Variants in PDE1C observed in about 807,000 individuals in gnomAD.
PDE1C encodes the protein dual specificity calcium/calmodulin-dependent 3',5'-cyclic nucleotide phosphodiesterase 1C.
Under a neutral mutation model 93.1 loss-of-function variants are expected in PDE1C, and 62 were observed. The ratio of observed to expected loss-of-function variants is 0.67; its 90% CI spans 0.54 to 0.82. The LOEUF (loss-of-function observed/expected upper bound fraction) is 0.82, where lower values mean the gene tolerates loss of function less well. PDE1C is among the 40% of genes least tolerant of loss of function. The pLI is 0.00. For synonymous variants in PDE1C, 325 were observed against 310.1 expected (o/e 1.05, Z -0.50); for missense variants, 742 against 884.6 (o/e 0.84, Z 2.04).
intron 17 of PDE1C, among the ~76,000 whole-genome samples, chr7:31,759,544 T>G (rs1049679341): frequency 6.6e-6 from 1 of 152,176 alleles, no homozygotes; most frequent in Non-Finnish European, 1.5e-5. Context: ...TTAGAACAAT[T>G]TGCTTGGAGA....
chr7:32,286,576 GA>G (rs1238100920), intron 1 of PDE1C, among the ~76,000 whole-genome samples: 1 of 152,204 alleles, frequency 6.6e-6, no homozygotes, highest in Non-Finnish European at 1.5e-5. Context: ...AAAATACTCA[GA>G]AAAGTTTCAC....
intron 3 of PDE1C, among the ~76,000 whole-genome samples, chr7:32,088,456 G>A (rs568132126): frequency 1.3e-5 from 2 of 152,206 alleles, no homozygotes; most frequent in Non-Finnish European, 2.9e-5. Flanking sequence ...CTTGGCAACC[G>A]CAAGTATTTG....
chr7:32,242,191 T>C (rs1448068338), intron 1 of PDE1C, among the ~76,000 whole-genome samples: 3 of 151,898 alleles, frequency 2.0e-5, no homozygotes. Context: ...GTTGAAAAGG[T>C]ATGCAAGGGA....
intron 1 of PDE1C, among the ~76,000 whole-genome samples, chr7:32,276,171 A>C (rs1295670940): frequency 6.6e-6 from 1 of 152,214 alleles, no homozygotes; most frequent in East Asian, 1.9e-4. Flanking sequence ...ATAAATACTT[A>C]ACATGTATTA....
chr7:31,922,677 A>AG (rs2128961299), intron 2 of PDE1C, among the ~76,000 whole-genome samples: 1 of 152,326 alleles, frequency 6.6e-6, no homozygotes, highest in African/African-American at 2.4e-5. Context: ...AAATGTATGA[A>AG]CTGCATCCTG....
At chr7:31,886,685 G>A (rs1043760779) in intron 2 of PDE1C, among the ~76,000 whole-genome samples, 5 of 142,192 alleles carry the variant, frequency 3.5e-5, no homozygotes, top group Non-Finnish European at 6.2e-5. Flanking sequence ...TGAAGGCCAC[G>A]TAGGGGTCAG....
At chr7:32,138,863 T>C (rs1416389649) in intron 3 of PDE1C, among the ~76,000 whole-genome samples, 4 of 152,172 alleles carry the variant, frequency 2.6e-5, no homozygotes, top group South Asian at 4.1e-4. Context: ...ACATTAGTAA[T>C]CCTGAGTCTC....
chr7:32,285,051 G>GAAAAAA (rs1554300624), intron 1 of PDE1C, among the ~76,000 whole-genome samples: 1 of 150,842 alleles, frequency 6.6e-6, no homozygotes, highest in African/African-American at 2.4e-5. Flanking sequence ...AAAGAAAAAA[G>GAAAAAA]AAAAAAAGAA....
chr7:31,878,524 T>C (rs1226586097), intron 4 of PDE1C, among the ~76,000 whole-genome samples: 1 of 150,374 alleles, frequency 6.7e-6, no homozygotes, highest in East Asian at 2.2e-4. Context: ...GAAGAATATA[T>C]CTATTTCTGG....
chr7:31,998,749 A>G (rs1483039110), intron 2 of PDE1C, among the ~76,000 whole-genome samples: 1 of 152,226 alleles, frequency 6.6e-6, no homozygotes. Flanking sequence ...TTCTTTAGCT[A>G]AATAATTAAC....
At chr7:31,661,441 A>G in the PDE1C span, among the ~76,000 whole-genome samples, 4 of 152,142 alleles carry the variant, frequency 2.6e-5, no homozygotes, top group Non-Finnish European at 5.9e-5. Flanking sequence ...GGCCAGGCGC[A>G]GTGGCTCACA....
rs1794194707 is a variant in PDE1C, at chr7:31,752,645, T to C, written c.*739A>G. On this transcript the variant is annotated 3_prime_UTR_variant, in exon 18 of 18. Coordinates refer to ENST00000396191, the MANE Select transcript of PDE1C (RefSeq NM_001191057.4). ...ATCTACTGTGGGTAGAAGTAAAAGA[T>C]TAGAGGAAAATGAAGCCAAATGCAT... 6.6e-6 allele frequency: 1 copy of C among 152,124 alleles called. No individual in the cohort carries two copies. The highest frequency in any genetic ancestry group is 1.5e-5 in the Non-Finnish European group (1 of 68,030). 9.4% of individuals were successfully genotyped at this position (152,124 alleles called of 1,614,324 possible). A position where few individuals can be genotyped will look rare whatever the true frequency, so the allele number is the denominator to read the frequency against.
intron 2 of PDE1C, among the ~76,000 whole-genome samples, chr7:31,948,598 T>A (rs1030431130): frequency 1.3e-5 from 2 of 152,186 alleles, no homozygotes; most frequent in Non-Finnish European, 2.9e-5. Flanking sequence ...CGGGCCCTTT[T>A]CTTCCTCCCA....
chr7:31,809,137 T>C (rs972617956), intron 15 of PDE1C, 29 bp from the exon 16 acceptor site: 3 of 1,249,824 alleles, frequency 2.4e-6, no homozygotes, highest in Admixed American at 1.7e-5. Context: ...ACAAACAGTA[T>C]ATGTATGCAG....
At chr7:31,772,876 CTA>C (rs1795591974) in intron 17 of PDE1C, among the ~76,000 whole-genome samples, 1 of 152,234 alleles carries the variant, frequency 6.6e-6, no homozygotes, top group Admixed American at 6.5e-5. Flanking sequence ...TCTTCTACAG[CTA>C]TGAGATGGTA....
intron 5 of PDE1C, among the ~76,000 whole-genome samples, chr7:31,874,396 T>A (rs944431911): frequency 6.6e-6 from 1 of 152,232 alleles, no homozygotes; most frequent in Non-Finnish European, 1.5e-5. Flanking sequence ...AGGTGAAGCA[T>A]ATTCACTTGA....
chr7:32,210,434 G>A (rs1245692508), intron 1 of PDE1C, among the ~76,000 whole-genome samples: 1 of 152,182 alleles, frequency 6.6e-6, no homozygotes, highest in African/African-American at 2.4e-5. Context: ...CAGAATAAAG[G>A]AGATTGCTAA....
the PDE1C span, chr7:31,642,934 A>G: frequency 6.2e-7 from 1 of 1,614,028 alleles, no homozygotes. Context: ...TATCCCAGAC[A>G]TGGCCTGTGC....
chr7:32,227,206 T>C (rs1042844580), intron 1 of PDE1C, among the ~76,000 whole-genome samples: 3 of 151,974 alleles, frequency 2.0e-5, no homozygotes, highest in African/African-American at 7.3e-5. Context: ...GGGGAGAAGT[T>C]ATGGGTAGAG....
Sources: allele counts gnomAD v4.1 joint callset (sites outside exome capture counted in the v4.1 genomes callset), GRCh38; gene constraint gnomAD v4.1.1; transcripts MANE v1.5; gene names NCBI Gene and HGNC (gene_info 2026-07-23, HGNC 2026-07-21).